EXOC6B: variants seen among roughly 807,000 people sequenced by gnomAD.
EXOC6B encodes the protein SEC15 homolog B.
A neutral mutation model predicts 113.5 loss-of-function variants in EXOC6B; 54 were observed. The ratio of observed to expected loss-of-function variants is 0.48; its 90% CI spans 0.38 to 0.60. The LOEUF is 0.60. Ranked by LOEUF, EXOC6B falls within the 20% of genes least tolerant of loss-of-function variation. The pLI is 0.00. For missense variants in EXOC6B, 797 were observed against 977.5 expected (o/e 0.82, Z 2.46); for synonymous variants, 357 against 339.0 (o/e 1.05, Z -0.58).
At chr2:72,193,437 C>T (rs947612731) in intron 20 of EXOC6B, among the ~76,000 whole-genome samples, 5 of 152,092 alleles carry the variant, frequency 3.3e-5, no homozygotes, top group African/African-American at 1.2e-4. Context: ...CTTCCTGACA[C>T]AGAAATCTGG....
intron 18 of EXOC6B, among the ~76,000 whole-genome samples, chr2:72,390,483 C>G (rs942023739): frequency 6.6e-6 from 1 of 152,056 alleles, no homozygotes; most frequent in Non-Finnish European, 1.5e-5. Flanking sequence ...TTATTGAATA[C>G]TGGATATTGT....
At chr2:72,239,774 C>T (rs1049650349) in intron 20 of EXOC6B, among the ~76,000 whole-genome samples, 1 of 152,152 alleles carries the variant, frequency 6.6e-6, no homozygotes, top group African/African-American at 2.4e-5. Context: ...ATTTAGTCTA[C>T]CAATCCATGA....
chr2:72,594,961 T>C (rs1390946287), intron 6 of EXOC6B, among the ~76,000 whole-genome samples: 1 of 152,058 alleles, frequency 6.6e-6, no homozygotes, highest in East Asian at 1.9e-4. Context: ...TCAAAGACAA[T>C]TAATAAGCAT....
chr2:72,755,814 T>C lies in EXOC6B; in HGVS notation c.114-14345A>G, dbSNP rs191938711. On this transcript the variant is annotated intron_variant, in intron 1 of 21. Transcript: ENST00000272427. ...AGAGAACTGATGTTTCTGGCCCTTG[T>C]TGCCAACAGAAGGGGGAGGGTGACA... Among the ~76,000 whole-genome samples the C allele has an allele frequency of 3.5e-3, 535 of 152,274 alleles. 4 individuals carry two copies. Among genetic ancestry groups the C allele is most frequent in the Non-Finnish European group, 4.1e-3 (277 of 68,016 alleles).
intron 5 of EXOC6B, among the ~76,000 whole-genome samples, chr2:72,720,705 G>A (rs895673976): frequency 1.3e-5 from 2 of 152,072 alleles, no homozygotes; most frequent in African/African-American, 2.4e-5. Context: ...AGTGAGCTGA[G>A]ATCAGCCCAC....
intron 12 of EXOC6B, among the ~76,000 whole-genome samples, chr2:72,499,230 A>AT (rs5832085): frequency 0.013 from 1,845 of 139,458 alleles, 27 homozygotes; most frequent in Admixed American, 0.055. Flanking sequence ...GCTTATGTAG[A>AT]TTTTTTTTTT....
intron 7 of EXOC6B, among the ~76,000 whole-genome samples, chr2:72,562,677 A>T (rs566061927): frequency 1.3e-5 from 2 of 152,280 alleles, no homozygotes; most frequent in East Asian, 3.9e-4. Flanking sequence ...ATCGACTGCA[A>T]CTATAACTGA....
chr2:72,271,330 A>G (rs553951142), intron 20 of EXOC6B, among the ~76,000 whole-genome samples: 1 of 152,246 alleles, frequency 6.6e-6, no homozygotes, highest in African/African-American at 2.4e-5. Context: ...TAGCCTTTTG[A>G]ATATCTTGCC....
At chr2:72,779,464 TA>T (rs1401324584) in intron 1 of EXOC6B, among the ~76,000 whole-genome samples, 2 of 151,890 alleles carry the variant, frequency 1.3e-5, no homozygotes, top group African/African-American at 2.4e-5. Flanking sequence ...GTTCAAAATG[TA>T]AAAAAAATTA....
At chr2:72,197,637 G>T (rs571649043) in intron 20 of EXOC6B, among the ~76,000 whole-genome samples, 2 of 152,164 alleles carry the variant, frequency 1.3e-5, no homozygotes, top group East Asian at 3.9e-4. Flanking sequence ...GATCTGGATT[G>T]GGATGGCAAC....
chr2:72,232,908 C>T (rs1445942356), intron 20 of EXOC6B, among the ~76,000 whole-genome samples: 1 of 151,794 alleles, frequency 6.6e-6, no homozygotes, highest in South Asian at 2.1e-4. Flanking sequence ...TCCGTCTCTA[C>T]TATAAACACA....
intron 20 of EXOC6B, among the ~76,000 whole-genome samples, chr2:72,222,520 C>G (rs1279817239): frequency 1.3e-5 from 2 of 152,216 alleles, no homozygotes; most frequent in African/African-American, 4.8e-5. Flanking sequence ...TTGATAATCT[C>G]AAAAACAAAT....
intron 20 of EXOC6B, among the ~76,000 whole-genome samples, chr2:72,274,092 A>G (rs1434417021): frequency 3.3e-5 from 5 of 152,184 alleles, no homozygotes; most frequent in African/African-American, 1.2e-4. Context: ...TTAATCCCAG[A>G]GTATAGAAAT....
At chr2:72,808,975 T>C (rs1457913440) in intron 1 of EXOC6B, among the ~76,000 whole-genome samples, 1 of 151,846 alleles carries the variant, frequency 6.6e-6, no homozygotes, top group African/African-American at 2.4e-5. Context: ...TGAGGTGAGA[T>C]GATCACTTGA....
At chr2:72,521,885 A>C (rs1178117993) in intron 8 of EXOC6B, among the ~76,000 whole-genome samples, 1 of 152,118 alleles carries the variant, frequency 6.6e-6, no homozygotes, top group Non-Finnish European at 1.5e-5. Context: ...TTCAGTAGAG[A>C]CAAGGTTTCA....
chr2:72,528,157 T>C (rs1480572615), intron 8 of EXOC6B, among the ~76,000 whole-genome samples: 1 of 152,024 alleles, frequency 6.6e-6, no homozygotes, highest in Non-Finnish European at 1.5e-5. Context: ...TTCCCCTATT[T>C]TTTTCTAAAT....
intron 3 of EXOC6B, among the ~76,000 whole-genome samples, chr2:72,732,532 G>A (rs1680709663): frequency 1.3e-5 from 2 of 152,092 alleles, no homozygotes; most frequent in South Asian, 4.2e-4. Context: ...TTAGGTAGAT[G>A]GAGGGGATAC....
intron 6 of EXOC6B, among the ~76,000 whole-genome samples, chr2:72,618,300 C>T (rs907055238): frequency 6.6e-6 from 1 of 151,960 alleles, no homozygotes; most frequent in African/African-American, 2.4e-5. Flanking sequence ...ACCCAGGAGG[C>T]GGAGGTTGCA....
intron 21 of EXOC6B, among the ~76,000 whole-genome samples, chr2:72,180,305 A>T (rs1348433962): frequency 6.6e-6 from 1 of 152,250 alleles, no homozygotes; most frequent in Non-Finnish European, 1.5e-5. Flanking sequence ...TAACTGGGAA[A>T]CATGGACAAG....
Sources: gnomAD v4.1 joint callset for allele counts (sites outside exome capture counted in the v4.1 genomes callset) on GRCh38, gnomAD v4.1.1 for gene constraint, MANE v1.5 for transcripts, NCBI Gene and HGNC (gene_info 2026-07-23, HGNC 2026-07-21) for gene names.